ATP2B1: variants seen among roughly 807,000 people sequenced by gnomAD.
ATP2B1 encodes plasma membrane calcium-transporting ATPase 1.
In ATP2B1, 14 loss-of-function variants were observed where a neutral mutation model predicts 124.2. That is an observed-to-expected ratio of 0.11 (90% CI 0.07 to 0.18). The LOEUF is 0.18. Among genes scored for constraint, ATP2B1 ranks in the 10% least tolerant of loss-of-function variants. The pLI, the probability that ATP2B1 is intolerant of heterozygous loss-of-function variation, is 1.00. For missense variants in ATP2B1, 763 were observed against 1,466.1 expected, an observed-to-expected ratio of 0.52 and a Z score of 7.83; for synonymous variants, 449 against 492.4, an observed-to-expected ratio of 0.91 and a Z score of 1.17.
intron 9 of ATP2B1, among the ~76,000 whole-genome samples, chr12:89,623,455 A>G (rs188147651): frequency 3.0e-4 from 46 of 152,344 alleles, no homozygotes; most frequent in Admixed American, 1.6e-3. Context: ...GGTAAACAGC[A>G]GTAAGCAAAG....
At chr12:89,694,711 A>C (rs1890926322) in intron 1 of ATP2B1, among the ~76,000 whole-genome samples, 1 of 152,196 alleles carries the variant, frequency 6.6e-6, no homozygotes, top group African/African-American at 2.4e-5. Context: ...AGCACAACTT[A>C]GAAAACCCTC....
chr12:89,663,377 T>C (rs1190535012), intron 1 of ATP2B1, among the ~76,000 whole-genome samples: 4 of 152,202 alleles, frequency 2.6e-5, no homozygotes, highest in Non-Finnish European at 5.9e-5. Flanking sequence ...GGGTCTTAGA[T>C]TCTTGAGGGT....
At chr12:89,651,500 T>G (rs1885248913) in intron 2 of ATP2B1, among the ~76,000 whole-genome samples, 1 of 152,114 alleles carries the variant, frequency 6.6e-6, no homozygotes, top group Admixed American at 6.6e-5. Context: ...ATTCCTGGGT[T>G]CAAACGATCC....
Position 89,627,543 on chromosome 12 carries a change from A to C in ATP2B1, c.967+135T>G, listed in dbSNP as rs1881093108. 6.8e-6 allele frequency: 6 copies of C among 885,510 alleles called. 1 individual carries two copies. The Admixed American group carries it at 1.4e-4, about 21-fold the overall frequency. 54.9% of individuals were successfully genotyped at this position (885,510 alleles called of 1,614,324 possible). On this transcript the variant is annotated intron_variant, in intron 7 of 20. Transcript: ENST00000428670. Reference sequence around the variant, plus strand: ...CATGACTAAGACACCGGCAGGAAGAAAGGTTAACCCAAGCTAACGTATATT... The same window carrying C: ...CATGACTAAGACACCGGCAGGAAGACAGGTTAACCCAAGCTAACGTATATT...
Position 89,590,987 on chromosome 12 carries a change from G to C in ATP2B1, c.3660C>G (p.Leu1220=). The change falls in exon 21 of 21, where the codon CTC becomes CTG. Residue 1220 remains leucine, a synonymous_variant. Transcript: ENST00000428670. ...GSPLHSLETS[L] ...TGTGTTAACATTCAGCTTACAATCA[G>C]AGTGATGTTTCCAAACTATGTAGTG... The C allele has an allele frequency of 6.2e-7, 1 of 1,611,052 alleles. No homozygotes were observed. Among genetic ancestry groups the C allele is most frequent in the Non-Finnish European group, 8.5e-7 (1 of 1,177,810 alleles).
chr12:89,607,644 G>A (rs1030011075), intron 15 of ATP2B1, among the ~76,000 whole-genome samples: 4 of 152,182 alleles, frequency 2.6e-5, no homozygotes, highest in African/African-American at 9.7e-5. Context: ...ATGAGATTCA[G>A]TCTTTGATGA....
intron 12 of ATP2B1, among the ~76,000 whole-genome samples, chr12:89,613,096 C>T (rs1183696075): frequency 6.6e-6 from 1 of 152,016 alleles, no homozygotes; most frequent in African/African-American, 2.4e-5. Flanking sequence ...CCTCCCACCT[C>T]AGCCTCCTGA....
chr12:89,613,582 T>C (rs1257918662), intron 12 of ATP2B1, among the ~76,000 whole-genome samples: 1 of 152,216 alleles, frequency 6.6e-6, no homozygotes, highest in Non-Finnish European at 1.5e-5. Flanking sequence ...GTTTTATAAA[T>C]GTATATATCT....
intron 3 of ATP2B1, among the ~76,000 whole-genome samples, chr12:89,640,734 C>T (rs963615879): frequency 1.3e-5 from 2 of 152,026 alleles, no homozygotes; most frequent in Admixed American, 1.3e-4. Context: ...TGGCTTGGTG[C>T]CCTCCCCATG....
chr12:89,618,149 G>A (rs1879330621), intron 11 of ATP2B1, among the ~76,000 whole-genome samples: 1 of 151,612 alleles, frequency 6.6e-6, no homozygotes, highest in Non-Finnish European at 1.5e-5. Context: ...TTTAATCACA[G>A]CTTTGATGAT....
chr12:89,641,486 T>C (rs756709805), intron 3 of ATP2B1, among the ~76,000 whole-genome samples: 2 of 152,206 alleles, frequency 1.3e-5, no homozygotes, highest in Non-Finnish European at 2.9e-5. Flanking sequence ...ATATACACCT[T>C]ATACACATAG....
chr12:89,690,701 T>C (rs1890465784), intron 1 of ATP2B1, among the ~76,000 whole-genome samples: 1 of 152,124 alleles, frequency 6.6e-6, no homozygotes, highest in Non-Finnish European at 1.5e-5. Context: ...CTTAACTATT[T>C]TCCCCTGCTA....
intron 20 of ATP2B1, among the ~76,000 whole-genome samples, chr12:89,595,480 GA>G (rs1169832601): frequency 6.6e-6 from 1 of 151,698 alleles, no homozygotes; most frequent in Non-Finnish European, 1.5e-5. Flanking sequence ...TAAATGAAGG[GA>G]AAAAGGTCTC....
intron 2 of ATP2B1, among the ~76,000 whole-genome samples, chr12:89,652,654 T>C (rs767461472): frequency 6.6e-6 from 1 of 152,250 alleles, no homozygotes; most frequent in Non-Finnish European, 1.5e-5. Flanking sequence ...AGTGACAAAA[T>C]GCTTCCGAGT....
intron 5 of ATP2B1, among the ~76,000 whole-genome samples, chr12:89,632,816 T>C (rs1333766265): frequency 6.6e-6 from 1 of 152,178 alleles, no homozygotes; most frequent in Non-Finnish European, 1.5e-5. Context: ...ATTTCAGTCT[T>C]TTCTTAAATG....
intron 1 of ATP2B1, among the ~76,000 whole-genome samples, chr12:89,705,684 A>G (rs979823926): frequency 6.6e-6 from 1 of 152,182 alleles, no homozygotes; most frequent in African/African-American, 2.4e-5. Flanking sequence ...ATAACAACAT[A>G]TAATTACTCT....
In ATP2B1 at chr12:89,620,291, T is replaced by C; in HGVS notation, c.1588-51A>G. ...TAGTATCTCGTTTCTCTAAGAACGT[T>C]TAATTTATAATGTAAAACAGACTGC... On this transcript the variant is annotated intron_variant, in intron 10 of 20. Coordinates refer to ENST00000428670, the MANE Select transcript of ATP2B1 (RefSeq NM_001366521.1). 4 of 1,586,270 alleles carry C rather than the reference T, an allele frequency of 2.5e-6. No individual in the cohort carries two copies. The South Asian group carries it at 4.5e-5, about 18-fold the overall frequency.
chr12:89,606,572 CTT>C (rs11390166), intron 15 of ATP2B1, among the ~76,000 whole-genome samples: 3 of 129,076 alleles, frequency 2.3e-5, no homozygotes, highest in Non-Finnish European at 3.2e-5. Context: ...TAATGTCCCA[CTT>C]TTTTTTTTTT....
intron 6 of ATP2B1, among the ~76,000 whole-genome samples, 155 bp from the exon 7 acceptor site, chr12:89,627,871 G>C (rs1373696775): frequency 2.0e-5 from 3 of 152,138 alleles, no homozygotes; most frequent in Non-Finnish European, 4.4e-5. Flanking sequence ...GACCTGCTGG[G>C]TCAATCACTC....
Sources: allele counts gnomAD v4.1 joint callset (sites outside exome capture counted in the v4.1 genomes callset), GRCh38; gene constraint gnomAD v4.1.1; transcripts MANE v1.5; gene names NCBI Gene and HGNC (gene_info 2026-07-23, HGNC 2026-07-21).